LY75: variants seen among roughly 807,000 people sequenced by gnomAD.
LY75 encodes the protein C-type lectin domain family 13 member B.
In LY75, 185 loss-of-function variants were observed where a neutral mutation model predicts 231.7. The ratio of observed to expected loss-of-function variants is 0.80; its 90% confidence interval spans 0.71 to 0.90. The LOEUF (loss-of-function observed/expected upper bound fraction) is 0.90. LY75 is among the 40% of genes least tolerant of loss of function. LY75 has a pLI of 0.00. For synonymous variants in LY75, 668 were observed against 689.0 expected (o/e 0.97, Z 0.48); for missense variants, 1,947 against 2,050.2 (o/e 0.95, Z 0.97).
intron 25 of LY75, among the ~76,000 whole-genome samples, chr2:159,840,004 T>G (rs1683956213): frequency 2.7e-4 from 1 of 3,770 alleles, no homozygotes; most frequent in Non-Finnish European, 5.3e-4. Context: ...AGAACCTGTC[T>G]CAAAAAAAAA....
In LY75 at chr2:159,819,710, A is replaced by G. The variant is rs1461147756; in HGVS notation, c.4153+16T>C. ...TCCCTGGAGTGAAAGAAAACTCTAT[A>G]TTTTACTATACTTACCCATTTCAAT... On this transcript the variant is annotated intron_variant, in intron 29 of 34. Coordinates refer to ENST00000263636, the MANE Select transcript of LY75 (RefSeq NM_002349.4). The G allele has an allele frequency of 1.3e-6, 2 of 1,584,232 alleles. No individual in the cohort carries two copies. Among genetic ancestry groups the G allele is most frequent in the South Asian group, 2.3e-5 (2 of 85,928 alleles).
At chr2:159,891,979 C>T (rs1685772819) in intron 3 of LY75, among the ~76,000 whole-genome samples, 1 of 152,190 alleles carries the variant, frequency 6.6e-6, no homozygotes, top group Non-Finnish European at 1.5e-5. Context: ...AAAATACTGG[C>T]TTTTTCTATT....
intron 3 of LY75, among the ~76,000 whole-genome samples, chr2:159,891,667 A>C (rs1167978214): frequency 6.6e-6 from 1 of 152,208 alleles, no homozygotes; most frequent in Non-Finnish European, 1.5e-5. Context: ...CAACACCCAC[A>C]GGAGGCTAAA....
intron 16 of LY75, among the ~76,000 whole-genome samples, chr2:159,856,103 C>T (rs1457259111): frequency 6.6e-6 from 1 of 152,062 alleles, no homozygotes; most frequent in Non-Finnish European, 1.5e-5. Flanking sequence ...TATGGCTAAC[C>T]TTTAAATATC....
chr2:159,814,278 AAACTTT>A, intron 31 of LY75, among the ~76,000 whole-genome samples: 1 of 152,198 alleles, frequency 6.6e-6, no homozygotes, highest in Non-Finnish European at 1.5e-5. Flanking sequence ...CTCTTCCCTT[AAACTTT>A]AAGGATCATA....
intron 11 of LY75, 55 bp downstream of exon 11, chr2:159,878,269 G>A (rs201159041): frequency 2.2e-4 from 342 of 1,566,402 alleles, no homozygotes; most frequent in Non-Finnish European, 2.8e-4. Context: ...TTTGGGAGGA[G>A]TGCTGCCTTT....
Position 159,852,249 on chromosome 2 carries a change from A to T in LY75, c.2835T>A (p.Ser945=). The T allele has an allele frequency of 6.2e-7, 1 of 1,614,082 alleles. No homozygotes were observed. The change falls in exon 21 of 35, where the codon TCT becomes TCA. Residue 945 remains serine, a synonymous_variant. Coordinates refer to ENST00000263636, the MANE Select transcript of LY75 (RefSeq NM_002349.4). ...VSSLEKYSPD[S]AAKVQCSEQW... is the part of the protein sequence containing the mutation. Reference sequence around the variant, plus strand: ...GCTCAGAACATTGCACTTTAGCTGCAGAATCTGGGCTGTATTTCTCTAACG... The same window carrying T: ...GCTCAGAACATTGCACTTTAGCTGCTGAATCTGGGCTGTATTTCTCTAACG...
intron 13 of LY75, 102 bp downstream of exon 13, chr2:159,872,349 T>G (rs1327202312): frequency 1.4e-6 from 2 of 1,449,992 alleles, no homozygotes; most frequent in African/African-American, 2.8e-5. Context: ...ATAAAACATG[T>G]CCATTTTTTT....
intron 25 of LY75, among the ~76,000 whole-genome samples, chr2:159,836,194 C>G (rs959609329): frequency 6.6e-6 from 1 of 152,138 alleles, no homozygotes; most frequent in African/African-American, 2.4e-5. Flanking sequence ...ATTTCCATCC[C>G]CTACCAAGTT....
At chr2:159,823,644 T>C (rs1193469342) in intron 28 of LY75, among the ~76,000 whole-genome samples, 1 of 151,820 alleles carries the variant, frequency 6.6e-6, no homozygotes, top group African/African-American at 2.4e-5. Context: ...AAACACATAA[T>C]CATCAAATTT....
At position 159,878,384 on chromosome 2, in the gene LY75, C is replaced by T. The variant is rs1574585145; in HGVS notation, c.1714G>A (p.Ala572Thr). 6.2e-7 allele frequency: 1 copy of T among 1,614,074 alleles called. No homozygotes were observed. The highest frequency in any genetic ancestry group is 8.5e-7 in the Non-Finnish European group (1 of 1,179,990). Reference sequence around the variant, plus strand: ...GCCCGCCTTCTTCCACCAACAGTTGCCCAGTTATACTCTCCACAAGAATCT... The same window carrying T: ...GCCCGCCTTCTTCCACCAACAGTTGTCCAGTTATACTCTCCACAAGAATCT... ...DVDSCGEYNW[A>T]TVGGRRRAVT... Residue 572 changes from alanine to threonine, a missense_variant, in exon 11 of 35, where the codon GCA becomes ACA. Ala to Thr is a moderately conservative substitution (Grantham distance 58). Transcript: ENST00000263636.
chr2:159,815,720 T>C, intron 30 of LY75, 147 bp from the exon 31 acceptor site: 1 of 985,828 alleles, frequency 1.0e-6, no homozygotes, highest in Non-Finnish European at 1.4e-6. Flanking sequence ...ACTATTATTG[T>C]AGGTCTGATT....
chr2:159,848,087 TATATATAC>T (rs139600466), intron 23 of LY75, among the ~76,000 whole-genome samples: 63,760 of 103,270 alleles, frequency 0.62, 18,306 homozygotes, highest in Non-Finnish European at 0.68. Context: ...TATATATATA[TATATATAC>T]ACACACACAT....
intron 4 of LY75, among the ~76,000 whole-genome samples, chr2:159,888,876 TC>T: frequency 6.6e-6 from 1 of 152,304 alleles, no homozygotes; most frequent in African/African-American, 2.4e-5. Context: ...AGCCTCGCAT[TC>T]CTCATCTGCA....
chr2:159,867,743 T>A (rs1270513873), intron 13 of LY75, among the ~76,000 whole-genome samples: 1 of 152,208 alleles, frequency 6.6e-6, no homozygotes, highest in Non-Finnish European at 1.5e-5. Flanking sequence ...CAGGGGGTAG[T>A]GTACACAGCA....
chr2:159,891,266 G>A (rs181694631), intron 3 of LY75, among the ~76,000 whole-genome samples: 2 of 152,288 alleles, frequency 1.3e-5, no homozygotes, highest in African/African-American at 4.8e-5. Context: ...TTAACAGACA[G>A]GAACAAAGAC....
At chr2:159,867,563 G>A (rs1684893626) in intron 13 of LY75, among the ~76,000 whole-genome samples, 1 of 152,152 alleles carries the variant, frequency 6.6e-6, no homozygotes, top group Non-Finnish European at 1.5e-5. Flanking sequence ...AGCGTAAAAG[G>A]TTAATATGTG....
intron 28 of LY75, among the ~76,000 whole-genome samples, chr2:159,826,276 A>G (rs1683465217): frequency 1.3e-5 from 2 of 152,216 alleles, no homozygotes; most frequent in South Asian, 4.1e-4. Context: ...TACAAAATCA[A>G]TGTGCAAAAA....
intron 13 of LY75, among the ~76,000 whole-genome samples, chr2:159,871,060 C>A (rs1338539564): frequency 6.6e-6 from 1 of 152,034 alleles, no homozygotes; most frequent in Non-Finnish European, 1.5e-5. Flanking sequence ...CTTTTTCTGA[C>A]TTTCAGGGAA....
Sources: allele counts gnomAD v4.1 joint callset (sites outside exome capture counted in the v4.1 genomes callset), GRCh38; gene constraint gnomAD v4.1.1; transcripts MANE v1.5; gene names NCBI Gene and HGNC (gene_info 2026-07-23, HGNC 2026-07-21).